Variants in CASK observed in about 807,000 individuals in gnomAD.
CASK encodes peripheral plasma membrane protein CASK.
In CASK, 4 loss-of-function variants were observed where a neutral mutation model predicts 82.9. That is an observed-to-expected ratio of 0.05 (90% CI 0.02 to 0.11). The LOEUF (loss-of-function observed/expected upper bound fraction) is 0.11. Among genes scored for constraint, CASK ranks in the 10% least tolerant of loss-of-function variants. CASK has a pLI of 1.00. For missense variants in CASK, 358 were observed against 720.9 expected, an observed-to-expected ratio of 0.50 and a Z score of 5.76; for synonymous variants, 259 against 253.5, an observed-to-expected ratio of 1.02 and a Z score of -0.20.
At chrX:41,720,174 G>A (rs147141864) in intron 5 of CASK, among the ~76,000 whole-genome samples, 3 of 113,365 alleles carry the variant, frequency 2.6e-5, no homozygotes, top group East Asian at 5.5e-4. Flanking sequence ...TGAGAGAAAC[G>A]CTCCCATTGC....
chrX:41,618,829 T>C (rs1027387942), intron 11 of CASK, among the ~76,000 whole-genome samples: 2 of 102,216 alleles, frequency 2.0e-5, no homozygotes, highest in Non-Finnish European at 4.0e-5. Flanking sequence ...CAATTTCTTT[T>C]TTTTTTTTTT....
chrX:41,732,548 C>A (rs1016031984), intron 5 of CASK, among the ~76,000 whole-genome samples: 1 of 110,654 alleles, frequency 9.0e-6, no homozygotes, highest in Non-Finnish European at 1.9e-5. Context: ...GCATTTCAAT[C>A]CAGCAGCCTA....
At chrX:41,665,196 AAGAC>A (rs2067097165) in intron 7 of CASK, 77 bp downstream of exon 7, 1 of 867,024 alleles carries the variant, frequency 1.2e-6, no homozygotes, top group Non-Finnish European at 1.7e-6. Flanking sequence ...TTAGTGGGCA[AAGAC>A]AGACAGTAAC....
At chrX:41,649,561 A>G (rs1265115209) in intron 8 of CASK, among the ~76,000 whole-genome samples, 10 of 107,326 alleles carry the variant, frequency 9.3e-5, no homozygotes, top group African/African-American at 2.6e-4. Context: ...GTAGTTGAGC[A>G]GTTTTGAGTG....
chrX:41,694,376 T>C (rs979576577), intron 5 of CASK, among the ~76,000 whole-genome samples: 6 of 111,920 alleles, frequency 5.4e-5, no homozygotes, highest in African/African-American at 2.0e-4. Flanking sequence ...AGTCACTCTA[T>C]GAGAGGAATG....
chrX:41,818,219 T>A (rs916888495), intron 2 of CASK, among the ~76,000 whole-genome samples: 2 of 106,762 alleles, frequency 1.9e-5, no homozygotes, highest in African/African-American at 6.9e-5. Flanking sequence ...AAACTAATTC[T>A]AAAATTCATA....
At chrX:41,842,915 C>A (rs1196094924) in intron 2 of CASK, among the ~76,000 whole-genome samples, 2 of 111,650 alleles carry the variant, frequency 1.8e-5, no homozygotes, top group East Asian at 2.8e-4. Flanking sequence ...GTATTTTATT[C>A]TTTTTGATGC....
chrX:41,664,507 C>T (rs2067083442), intron 7 of CASK, among the ~76,000 whole-genome samples: 1 of 111,250 alleles, frequency 9.0e-6, no homozygotes, highest in African/African-American at 3.3e-5. Flanking sequence ...ATTTCCCCAA[C>T]TTAAACAGCC....
chrX:41,728,280 AAACT>A (rs1192816045), intron 5 of CASK: 1 of 256,998 alleles, frequency 3.9e-6, no homozygotes, highest in Non-Finnish European at 7.1e-6. Context: ...CACTCATATG[AAACT>A]AACAGGCTGT....
chrX:41,796,574 T>C (rs1017690882), intron 2 of CASK, among the ~76,000 whole-genome samples: 3 of 112,190 alleles, frequency 2.7e-5, no homozygotes, highest in Non-Finnish European at 5.6e-5. Flanking sequence ...CATAGGGTTA[T>C]TTGGGAAAAA....
Position 41,609,783 on chromosome X carries a change from TC to T in CASK, c.1155+120del, listed in dbSNP as rs751275282. ...CATGTTGGCCAGGATGGTCTCAGTC[TC>T]CTGACCTCCTGATACGCCCGCCTCT... On this transcript the variant is annotated intron_variant, in intron 12 of 26. Coordinates refer to ENST00000378163, the MANE Select transcript of CASK (RefSeq NM_001367721.1). 574 of 702,933 alleles carry T rather than the reference TC, an allele frequency of 8.2e-4. 4 individuals are homozygous for T. The African/African-American group carries it at 0.011, about 13-fold the overall frequency. The allele number at this position is 702,933 out of a possible 1,213,427, so 57.9% of individuals were successfully genotyped here. A position where few individuals can be genotyped will look rare whatever the true frequency, so the allele number is the denominator to read the frequency against.
chrX:41,792,507 C>G (rs1191682850), intron 2 of CASK, among the ~76,000 whole-genome samples: 2 of 110,135 alleles, frequency 1.8e-5, no homozygotes, highest in South Asian at 3.9e-4. Flanking sequence ...CCGGGTTGAT[C>G]TCGAATTCCT....
chrX:41,834,376 A>T (rs1470504696), intron 2 of CASK, among the ~76,000 whole-genome samples: 1 of 112,194 alleles, frequency 8.9e-6, no homozygotes, highest in East Asian at 2.8e-4. Flanking sequence ...TTTCTTAAGC[A>T]TATCAACTTT....
intron 1 of CASK, among the ~76,000 whole-genome samples, chrX:41,894,597 TAAAAA>T (rs1209248352): frequency 2.5e-5 from 1 of 40,488 alleles, no homozygotes; most frequent in Non-Finnish European, 4.6e-5. Context: ...ACCCAAATAT[TAAAAA>T]AAAAAAAAAA....
At chrX:41,524,164 A>G in intron 25 of CASK, 130 bp from the exon 26 acceptor site, 1 of 514,543 alleles carries the variant, frequency 1.9e-6, no homozygotes, top group Non-Finnish European at 3.3e-6. Flanking sequence ...TTGGCAAGGT[A>G]TTATTAAATT....
At chrX:41,745,891 A>G (rs1305469991) in intron 3 of CASK, among the ~76,000 whole-genome samples, 1 of 111,737 alleles carries the variant, frequency 8.9e-6, no homozygotes, top group African/African-American at 3.2e-5. Context: ...TCACAAAAAG[A>G]AGCATCAGAA....
At chrX:41,559,665 G>C (rs2065200498) in intron 18 of CASK, 114 bp downstream of exon 18, 1 of 621,682 alleles carries the variant, frequency 1.6e-6, no homozygotes, top group Non-Finnish European at 2.7e-6. Flanking sequence ...TTGGTGTGCA[G>C]TGATCTAACA....
rs1217182501 is a variant in CASK, at chrX:41,889,989, T to C, written c.59+32941A>G. Reference sequence around the variant, plus strand: ...AATTACTTCCTTGTTGGCATACCTTTTATTAATAAACAATAGCTTATTAAC... The same window carrying C: ...AATTACTTCCTTGTTGGCATACCTTCTATTAATAAACAATAGCTTATTAAC... On this transcript the variant is annotated intron_variant, in intron 1 of 26. Transcript: ENST00000378163. Among the ~76,000 whole-genome samples, 3 of 111,745 alleles carry C rather than the reference T, an allele frequency of 2.7e-5. No homozygotes were observed. In the East Asian group the frequency reaches 8.3e-4, roughly 31 times the overall value.
rs202047476 is a variant in CASK at position 41,890,896 on chromosome X, T to TC, written c.59+32033_59+32034insG. On this transcript the variant is annotated intron_variant, in intron 1 of 26. Transcript: ENST00000378163. Reference sequence around the variant, plus strand: ...GTGTAGGTGTTACTATAATTTCTTTTTTTTTTTTTTTGAGACAGTCTCAGT... The same window carrying TC: ...GTGTAGGTGTTACTATAATTTCTTTTCTTTTTTTTTTTGAGACAGTCTCAGT... 1.1e-3 allele frequency among the ~76,000 whole-genome samples: 117 copies of TC among 108,057 alleles called. 1 individual carries two copies. In the East Asian group the frequency reaches 0.026, roughly 24 times the overall value. The allele number at this position is 108,057 out of a possible 115,157, so 93.8% of individuals were successfully genotyped here. A position where few individuals can be genotyped will look rare whatever the true frequency, so the allele number is the denominator to read the frequency against.
Sources: allele counts gnomAD v4.1 joint callset (sites outside exome capture counted in the v4.1 genomes callset), GRCh38; gene constraint gnomAD v4.1.1; transcripts MANE v1.5; gene names NCBI Gene and HGNC (gene_info 2026-07-23, HGNC 2026-07-21).